Variants in MAP4K1 observed in about 807,000 individuals in gnomAD.
The protein encoded by MAP4K1 is MAPK/ERK kinase kinase kinase 1.
In MAP4K1, 35 loss-of-function variants were observed where a neutral mutation model predicts 122.8. The ratio of observed to expected loss-of-function variants is 0.29; its 90% CI spans 0.22 to 0.38. The LOEUF (loss-of-function observed/expected upper bound fraction) is 0.38, where lower values mean the gene tolerates loss of function less well. MAP4K1 is among the 10% of genes least tolerant of loss of function. The pLI is 1.00. For missense variants in MAP4K1, 791 were observed against 1,072.6 expected (o/e 0.74, Z 3.67); for synonymous variants, 412 against 421.3 (o/e 0.98, Z 0.27).
At chr19:38,602,989 TATATAC>T (rs1013119554) in intron 19 of MAP4K1, among the ~76,000 whole-genome samples, 2 of 143,632 alleles carry the variant, frequency 1.4e-5, no homozygotes, top group East Asian at 2.2e-4. Flanking sequence ...CGCATATACA[TATATAC>T]ATATACATAT....
intron 30 of MAP4K1, 22 bp from the exon 31 acceptor site, chr19:38,587,839 C>T: frequency 6.3e-7 from 1 of 1,577,274 alleles, no homozygotes; most frequent in Non-Finnish European, 8.7e-7. Context: ...AGAGATAAGT[C>T]AGTTCATTTA....
rs1975687406 is a variant in MAP4K1 at position 38,617,590 on chromosome 19, C to T, written c.135G>A (p.Leu45=). The T allele has an allele frequency of 5.6e-6, 9 of 1,613,996 alleles. No homozygotes were observed. The highest frequency in any genetic ancestry group is 7.6e-6 in the Non-Finnish European group (9 of 1,180,018). The change falls in exon 2 of 31, where the codon CTG becomes CTA. Residue 45 remains leucine (L), a synonymous_variant. Coordinates refer to ENST00000396857, the MANE Select transcript of MAP4K1 (RefSeq NM_001042600.3). The surrounding 1 kb of genome is among the most constrained non-coding windows in gnomAD (Gnocchi z 4.1). The part of the protein sequence containing the change: ...RDKVSGDLVA[L]KMVKMEPDDD... The stretch of plus-strand genomic sequence containing the variant: ...CACCAGGCTCCATCTTCACCATCTT[C>T]AGTGCCACCAGGTCCCCTGACACCT...
At chr19:38,588,175 G>C (rs1263676234) in intron 30 of MAP4K1, among the ~76,000 whole-genome samples, 1 of 152,164 alleles carries the variant, frequency 6.6e-6, no homozygotes, top group Non-Finnish European at 1.5e-5. Flanking sequence ...CAAAGGATTT[G>C]AGGTGGGAGA....
rs1158320432 is a variant in MAP4K1 at position 38,597,598 on chromosome 19, C to A, written c.1670-4G>T. 1 of 1,603,966 alleles carries A rather than the reference C, an allele frequency of 6.2e-7. No homozygotes were observed. On this transcript the variant is annotated splice_polypyrimidine_tract_variant and splice_region_variant and intron_variant, in intron 22 of 30. Transcript: ENST00000396857. The surrounding 1 kb of genome is among the most constrained non-coding windows in gnomAD (Gnocchi z 4.6). Reference sequence around the variant, plus strand: ...GAATACAGGTGGGGGGTCTTTCCTGCAGGGTGTGTGTATGTAGGGGGAAGC... The same window carrying A: ...GAATACAGGTGGGGGGTCTTTCCTGAAGGGTGTGTGTATGTAGGGGGAAGC...
In MAP4K1 at chr19:38,590,395, ATATATATATATATATAT is replaced by A. The variant is rs1351647065; in HGVS notation, c.2397-2595_2397-2579del. 2.9e-3 allele frequency among the ~76,000 whole-genome samples: 57 copies of A among 19,480 alleles called. 1 individual carries two copies. Among genetic ancestry groups the A allele is most frequent in the African/African-American group, 0.014 (56 of 4,042 alleles). The allele number at this position is 19,480 out of a possible 152,430, so 12.8% of individuals were successfully genotyped here. ...CCAGAAAAAAAAAAAAAAAAAAAAAATATATATATATATATATATATATATATATATATATATATATA... is the reference window on the plus strand; with the variant it reads ...CCAGAAAAAAAAAAAAAAAAAAAAAAATATATATATATATATATATATATA... On this transcript the variant is annotated intron_variant, in intron 30 of 30. Coordinates refer to ENST00000396857, the MANE Select transcript of MAP4K1 (RefSeq NM_001042600.3).
At position 38,595,673 on chromosome 19, in the gene MAP4K1, C is replaced by A. The variant is rs1301753218; in HGVS notation, c.2236G>T (p.Glu746Ter). ...TCCACCGCTTCGGTCATGGGGATCT[C>A]AGGTGTGCGAAGTCCCCGGACTGGG... Reference protein sequence around the residue: ...GSPVRGLRTPEIPMTEAVEAV... With the variant: ...GSPVRGLRTP The change falls in exon 28 of 31, where the codon GAG (glutamate) becomes TAG (stop). Residue 746 changes from glutamate (E) to a stop codon, truncating the protein, a stop_gained. Coordinates refer to ENST00000396857, the MANE Select transcript of MAP4K1 (RefSeq NM_001042600.3). LOFTEE classifies it high-confidence loss of function. 6.2e-7 allele frequency: 1 copy of A among 1,613,450 alleles called. No homozygotes were observed.
chr19:38,596,969 G>A, intron 25 of MAP4K1, 65 bp downstream of exon 25: 1 of 1,455,626 alleles, frequency 6.9e-7, no homozygotes, highest in South Asian at 1.1e-5. Context: ...TGATAGAAGC[G>A]CAAAGGGTGC....
chr19:38,592,975 C>A (rs1048773654), intron 30 of MAP4K1, among the ~76,000 whole-genome samples: 1 of 152,004 alleles, frequency 6.6e-6, no homozygotes, highest in Admixed American at 6.6e-5. Flanking sequence ...TGGCACATGC[C>A]GGTAGTTCCA....
At chr19:38,609,047 T>C (rs1975418716) in intron 13 of MAP4K1, among the ~76,000 whole-genome samples, 1 of 152,030 alleles carries the variant, frequency 6.6e-6, no homozygotes, top group South Asian at 2.1e-4. Context: ...TTACAGGGTG[T>C]TTTCAGGATC....
At chr19:38,596,998 T>TC in intron 25 of MAP4K1, 36 bp downstream of exon 25, 1 of 1,592,848 alleles carries the variant, frequency 6.3e-7, no homozygotes, top group Non-Finnish European at 8.6e-7. Context: ...AGCCACCCAC[T>TC]CCTCAGAGTT....
At chr19:38,595,273 G>C (rs2145935217) in intron 29 of MAP4K1, among the ~76,000 whole-genome samples, 1 of 152,202 alleles carries the variant, frequency 6.6e-6, no homozygotes, top group East Asian at 1.9e-4. Context: ...TGGGCAACAA[G>C]AGTGAAACTC....
rs773787590 is a variant in MAP4K1 at position 38,614,461 on chromosome 19, C to T, written c.314-16G>A. Reference sequence around the variant, plus strand: ...GAGCCTGTCACTGCAAAGGTCACCCCGGCCAGGCCAGGCATTGGATGGGAG... The same window carrying T: ...GAGCCTGTCACTGCAAAGGTCACCCTGGCCAGGCCAGGCATTGGATGGGAG... On this transcript the variant is annotated splice_polypyrimidine_tract_variant and intron_variant, in intron 4 of 30. Coordinates refer to ENST00000396857, the MANE Select transcript of MAP4K1 (RefSeq NM_001042600.3). 1.2e-6 allele frequency: 2 copies of T among 1,613,836 alleles called. No homozygotes were observed. The highest frequency in any genetic ancestry group is 1.7e-5 in the Admixed American group (1 of 60,018).
chr19:38,601,744 C>CT (rs1420842592), intron 19 of MAP4K1: 3 of 522,258 alleles, frequency 5.7e-6, no homozygotes, highest in East Asian at 3.6e-5. Context: ...TTATATATTT[C>CT]TTTTTTTAGT....
chr19:38,603,405 CAT>C (rs750948286), intron 19 of MAP4K1, among the ~76,000 whole-genome samples: 51 of 148,694 alleles, frequency 3.4e-4, no homozygotes, highest in African/African-American at 4.4e-4. Flanking sequence ...TATGCATATA[CAT>C]ATATATACAC....
At chr19:38,599,012 CAAAAA>C (rs944497385) in intron 22 of MAP4K1, among the ~76,000 whole-genome samples, 2 of 37,996 alleles carry the variant, frequency 5.3e-5, no homozygotes, top group East Asian at 8.1e-4. Context: ...GAGTCTATCT[CAAAAA>C]AAAAAAAAAA....
chr19:38,617,836 T>C lies in MAP4K1; in HGVS notation c.60A>G (p.Leu20=). Residue 20 remains leucine, a synonymous_variant, in exon 1 of 31, where the codon CTA becomes CTG. Transcript: ENST00000396857. This position sits in a 1 kb window ranked among gnomAD's most constrained non-coding sequence, Gnocchi z 4.1. ...NRDPRDHYDL[L]QRLGGGTYGE... is the part of the protein sequence containing the mutation. ...CATACGTGCCGCCACCCAGCCGCTG[T>C]AGCAGGTCATAGTGGTCCCGGGGGT... is the stretch of plus-strand genomic sequence containing the variant. 6.2e-7 allele frequency: 1 copy of C among 1,614,160 alleles called. No homozygotes were observed. Among genetic ancestry groups the C allele is most frequent in the Non-Finnish European group, 8.5e-7 (1 of 1,180,004 alleles).
Position 38,595,495 on chromosome 19 carries a change from C to T in MAP4K1, c.2330G>A (p.Gly777Asp), listed in dbSNP as rs1039800846. 3 of 1,613,840 alleles carry T rather than the reference C, an allele frequency of 1.9e-6. No individual in the cohort carries two copies. The highest frequency in any genetic ancestry group is 1.7e-6 in the Non-Finnish European group (2 of 1,179,992). Reference sequence around the variant, plus strand: ...GATGGAGGGGCTTACCTGATCCGAGCCTAGAGCCCACACCTGCACTCCATG... The same window carrying T: ...GATGGAGGGGCTTACCTGATCCGAGTCTAGAGCCCACACCTGCACTCCATG... ...WKHGVQVWALGSDQLLQELRD... is the reference protein window; with the variant it reads ...WKHGVQVWALDSDQLLQELRD... Residue 777 changes from glycine (G) to aspartate (D), a missense_variant, in exon 29 of 31, where the codon GGC becomes GAC. This residue lies in a region of MAP4K1 where 267 missense variants were observed against 323.0 expected (regional missense o/e 0.83). Coordinates refer to ENST00000396857, the MANE Select transcript of MAP4K1 (RefSeq NM_001042600.3).
At chr19:38,601,625 C>A in intron 19 of MAP4K1, 100 bp from the exon 20 acceptor site, 3 of 791,646 alleles carry the variant, frequency 3.8e-6, no homozygotes, top group Admixed American at 2.3e-5. Flanking sequence ...TGCCAAGGTT[C>A]AAATCCTGCC....
chr19:38,603,884 T>A (rs1297079280), intron 19 of MAP4K1, among the ~76,000 whole-genome samples: 1 of 151,306 alleles, frequency 6.6e-6, no homozygotes, highest in Non-Finnish European at 1.5e-5. Context: ...CTTAGGAGGC[T>A]GAGGCAGGAG....
Sources: gnomAD v4.1 joint callset for allele counts (sites outside exome capture counted in the v4.1 genomes callset) on GRCh38, gnomAD v4.1.1 for gene constraint, gnomAD v4.1.1 regional missense constraint, Gnocchi (gnomAD v3.1) non-coding constraint, MANE v1.5 for transcripts, NCBI Gene and HGNC (gene_info 2026-07-23, HGNC 2026-07-21) for gene names.